The following GRIA2 variants were observed in gnomAD, a reference collection of about 807,000 sequenced individuals.
GRIA2 encodes the protein glutamate ionotropic receptor AMPA type subunit 2, also known as glutamate receptor 2.
In GRIA2, 14 loss-of-function variants were observed where a neutral mutation model predicts 97.3. The observed-to-expected ratio is 0.14, with a 90% CI of 0.10 to 0.23. GRIA2 has a LOEUF of 0.23. GRIA2 is among the 10% of genes least tolerant of loss of function. The pLI, the probability that GRIA2 is intolerant of heterozygous loss-of-function variation, is 1.00. For missense variants in GRIA2, 558 were observed against 1,069.8 expected (o/e 0.52, Z 6.67); for synonymous variants, 412 against 387.8 (o/e 1.06, Z -0.73).
chr4:157,243,941 GA>G (rs908332489), intron 2 of GRIA2, among the ~76,000 whole-genome samples: 43 of 150,738 alleles, frequency 2.9e-4, no homozygotes, highest in African/African-American at 4.1e-4. Flanking sequence ...AAAAAAAGCA[GA>G]AAAAAAAAGA....
In GRIA2 at chr4:157,309,236, T is replaced by G. The variant is rs146685806; in HGVS notation, c.470-3443T>G. On this transcript the variant is annotated intron_variant, in intron 3 of 15. Transcript: ENST00000264426. ...GTAAGTTTTGTTAGGTTCCATAGGT[T>G]ACAAAATATTAATCTTGAGAGTTTT... Among the ~76,000 whole-genome samples the G allele has an allele frequency of 1.6e-4, 24 of 152,260 alleles. No individual in the cohort carries two copies. The East Asian group carries it at 3.9e-3, about 24-fold the overall frequency.
intron 2 of GRIA2, among the ~76,000 whole-genome samples, chr4:157,299,359 C>T (rs954189677): frequency 6.6e-6 from 1 of 152,012 alleles, no homozygotes; most frequent in Admixed American, 6.6e-5. Flanking sequence ...GTCAGAATTC[C>T]TTGGTGATGC....
At chr4:157,258,701 T>C (rs2126762394) in intron 2 of GRIA2, among the ~76,000 whole-genome samples, 1 of 152,196 alleles carries the variant, frequency 6.6e-6, no homozygotes, top group African/African-American at 2.4e-5. Flanking sequence ...CTTGCTGGTT[T>C]TGCGGCTTCT....
At chr4:157,293,518 T>G (rs1733198521) in intron 2 of GRIA2, among the ~76,000 whole-genome samples, 1 of 152,132 alleles carries the variant, frequency 6.6e-6, no homozygotes, top group African/African-American at 2.4e-5. Flanking sequence ...TTACTAGAAC[T>G]ATGGGGCTAG....
At chr4:157,234,413 T>C (rs1211089546) in intron 2 of GRIA2, among the ~76,000 whole-genome samples, 1 of 152,124 alleles carries the variant, frequency 6.6e-6, no homozygotes, top group East Asian at 1.9e-4. Context: ...TTTAGAATAC[T>C]AGTGAACATG....
chr4:157,359,411 T>C (rs1736538646), intron 12 of GRIA2, among the ~76,000 whole-genome samples: 1 of 152,156 alleles, frequency 6.6e-6, no homozygotes, highest in Non-Finnish European at 1.5e-5. Flanking sequence ...GATAGAAGTT[T>C]CCAGCGTAAT....
At chr4:157,303,827 G>T (rs200547868) in intron 3 of GRIA2, 36 bp downstream of exon 3, 25 of 1,598,962 alleles carry the variant, frequency 1.6e-5, no homozygotes, top group East Asian at 1.3e-4. Flanking sequence ...GTAATGGGGC[G>T]AATTCAATGC....
At chr4:157,332,776 G>GT (rs1735112883) in intron 6 of GRIA2, 43 bp from the exon 7 acceptor site, 2 of 1,521,244 alleles carry the variant, frequency 1.3e-6, no homozygotes, top group African/African-American at 2.7e-5. Flanking sequence ...GTGAGTTTCT[G>GT]AATTTTCTCC....
chr4:157,334,445 C>T (rs1339955871), intron 9 of GRIA2: 1 of 201,506 alleles, frequency 5.0e-6, no homozygotes, highest in East Asian at 1.2e-4. Context: ...CCACCCGATA[C>T]TGTGTAAATT....
chr4:157,258,337 GA>G (rs1731372944), intron 2 of GRIA2, among the ~76,000 whole-genome samples: 1 of 151,948 alleles, frequency 6.6e-6, no homozygotes, highest in Non-Finnish European at 1.5e-5. Context: ...TTCCTAGGGG[GA>G]GGTCTCTAAA....
chr4:157,351,661 T>C (rs1435992359), intron 12 of GRIA2, among the ~76,000 whole-genome samples: 11 of 152,086 alleles, frequency 7.2e-5, no homozygotes, highest in Non-Finnish European at 1.5e-4. Context: ...ATCCCCATAA[T>C]CCCCATGTGT....
Position 157,363,425 on chromosome 4 carries a change from C to T in GRIA2, c.*4-10C>T, listed in dbSNP as rs1736728317. 4.8e-6 allele frequency: 6 copies of T among 1,241,960 alleles called. No homozygotes were observed. Among genetic ancestry groups the T allele is most frequent in the South Asian group, 3.8e-5 (1 of 26,034 alleles). The allele number at this position is 1,241,960 out of a possible 1,614,324, so 76.9% of individuals were successfully genotyped here. On this transcript the variant is annotated splice_polypyrimidine_tract_variant and intron_variant, in intron 15 of 15. Coordinates refer to ENST00000264426, the MANE Select transcript of GRIA2 (RefSeq NM_001083619.3). ...TTCTTTTTCTTTCTTTCCCTCCTCT[C>T]TCATTTAAGATGACCTTGAATGATG...
chr4:157,252,248 A>G (rs1731050787), intron 2 of GRIA2, among the ~76,000 whole-genome samples: 2 of 152,114 alleles, frequency 1.3e-5, no homozygotes, highest in Admixed American at 6.6e-5. Context: ...ACATGATCAT[A>G]TGGAACAAAA....
At chr4:157,324,953 T>G (rs372014217) in intron 6 of GRIA2, among the ~76,000 whole-genome samples, 1 of 152,196 alleles carries the variant, frequency 6.6e-6, no homozygotes. Context: ...TTTTGGGTGA[T>G]CGACTGAATT....
chr4:157,335,520 T>G (rs1483741896), intron 9 of GRIA2, 151 bp from the exon 10 acceptor site: 3 of 611,200 alleles, frequency 4.9e-6, no homozygotes, highest in Non-Finnish European at 8.7e-6. Flanking sequence ...GCATTATGCT[T>G]AAATTATTCC....
chr4:157,352,951 G>A (rs532330664), intron 12 of GRIA2, among the ~76,000 whole-genome samples: 14 of 151,038 alleles, frequency 9.3e-5, no homozygotes, highest in East Asian at 6.0e-4. Flanking sequence ...CCCAGCTACC[G>A]GAGAGGCTGA....
intron 2 of GRIA2, among the ~76,000 whole-genome samples, chr4:157,256,189 T>C (rs1366023882): frequency 7.3e-6 from 1 of 136,402 alleles, no homozygotes; most frequent in African/African-American, 2.8e-5. Flanking sequence ...ATATAATATA[T>C]AACATATATT....
At chr4:157,304,813 A>G in intron 3 of GRIA2, among the ~76,000 whole-genome samples, 1 of 152,136 alleles carries the variant, frequency 6.6e-6, no homozygotes, top group Non-Finnish European at 1.5e-5. Flanking sequence ...CCGTCAGTCA[A>G]TTCTCCATTG....
At chr4:157,295,134 T>G (rs1458321796) in intron 2 of GRIA2, among the ~76,000 whole-genome samples, 1 of 152,122 alleles carries the variant, frequency 6.6e-6, no homozygotes, top group Non-Finnish European at 1.5e-5. Flanking sequence ...ATGTTATAGA[T>G]TTTTTAAAGC....
Sources: gnomAD v4.1 joint callset for allele counts (sites outside exome capture counted in the v4.1 genomes callset) on GRCh38, gnomAD v4.1.1 for gene constraint, MANE v1.5 for transcripts, NCBI Gene and HGNC (gene_info 2026-07-23, HGNC 2026-07-21) for gene names.